The following CRAMP1 variants were observed in gnomAD, a reference collection of about 807,000 sequenced individuals.
The protein encoded by CRAMP1 is protein cramped-like.
Under a neutral mutation model 115.4 loss-of-function variants are expected in CRAMP1, and 50 were observed. The ratio of observed to expected loss-of-function variants is 0.43; its 90% confidence interval spans 0.35 to 0.55. The LOEUF (loss-of-function observed/expected upper bound fraction) is 0.55. Ranked by LOEUF, CRAMP1 falls within the 20% of genes least tolerant of loss-of-function variation. The pLI, the probability that CRAMP1 is intolerant of heterozygous loss-of-function variation, is 0.01. For synonymous variants in CRAMP1, 866 were observed against 745.4 expected, an observed-to-expected ratio of 1.16 and a Z score of -2.64; for missense variants, 1,679 against 1,721.7, an observed-to-expected ratio of 0.98 and a Z score of 0.44.
At chr16:1,650,302 C>A (rs1276776496) in intron 6 of CRAMP1, among the ~76,000 whole-genome samples, 2 of 152,210 alleles carry the variant, frequency 1.3e-5, no homozygotes, top group Non-Finnish European at 2.9e-5. Context: ...CTCCATTAGA[C>A]GCCCTCAGCA....
chr16:1,631,762 T>G (rs1368386876), intron 3 of CRAMP1, among the ~76,000 whole-genome samples: 1 of 152,268 alleles, frequency 6.6e-6, no homozygotes, highest in Non-Finnish European at 1.5e-5. Flanking sequence ...TCACGTTTGC[T>G]GTCCTCGTTT....
chr16:1,647,539 G>A (rs528705081), intron 6 of CRAMP1, among the ~76,000 whole-genome samples: 2 of 152,036 alleles, frequency 1.3e-5, no homozygotes, highest in Non-Finnish European at 2.9e-5. Context: ...CCAGGAGTTC[G>A]AGACCAGCCT....
At chr16:1,640,889 G>A (rs1352488157) in intron 5 of CRAMP1, among the ~76,000 whole-genome samples, 2 of 152,148 alleles carry the variant, frequency 1.3e-5, no homozygotes, top group Admixed American at 6.5e-5. Context: ...CTGGGTAGTG[G>A]GCCTGCCTGA....
intron 2 of CRAMP1, among the ~76,000 whole-genome samples, chr16:1,623,818 GTTGA>G (rs2036485870): frequency 6.6e-6 from 1 of 152,222 alleles, no homozygotes; most frequent in South Asian, 2.1e-4. Context: ...GAACCACCTG[GTTGA>G]TTAAGTCCAG....
intron 6 of CRAMP1, among the ~76,000 whole-genome samples, chr16:1,642,988 G>A (rs2036645533): frequency 6.6e-6 from 1 of 152,200 alleles, no homozygotes; most frequent in Admixed American, 6.5e-5. Context: ...GACCACACGG[G>A]CACAGGGAGT....
chr16:1,639,786 C>T (rs993042489), intron 5 of CRAMP1, among the ~76,000 whole-genome samples: 6 of 152,148 alleles, frequency 3.9e-5, no homozygotes, highest in African/African-American at 4.8e-5. Context: ...AAGGGAATAG[C>T]GTGTCTGGTC....
Position 1,666,691 on chromosome 16 carries a change from C to CTCTGCCTTTGGA in CRAMP1, c.3036+92_3036+103dup. 8.1e-7 allele frequency: 1 copy of CTCTGCCTTTGGA among 1,230,796 alleles called. No individual in the cohort carries two copies. Among genetic ancestry groups the CTCTGCCTTTGGA allele is most frequent in the Non-Finnish European group, 1.2e-6 (1 of 856,300 alleles). The allele number at this position is 1,230,796 out of a possible 1,614,324, so 76.2% of individuals were successfully genotyped here. A position where few individuals can be genotyped will look rare whatever the true frequency, so the allele number is the denominator to read the frequency against. On this transcript the variant is annotated intron_variant, in intron 16 of 20. Coordinates refer to ENST00000397412, the MANE Select transcript of CRAMP1 (RefSeq NM_020825.4). The surrounding 1 kb of genome is among the most constrained non-coding windows in gnomAD (Gnocchi z 5.0). Reference sequence around the variant, plus strand: ...GGGCTGAGATCACGCTGGACTCCAGCTCTGCCTTTGGAGGAGAGTCTCTGG... The same window carrying CTCTGCCTTTGGA: ...GGGCTGAGATCACGCTGGACTCCAGCTCTGCCTTTGGATCTGCCTTTGGAGGAGAGTCTCTGG...
At chr16:1,651,508 C>G (rs2036722810) in intron 6 of CRAMP1, among the ~76,000 whole-genome samples, 1 of 149,830 alleles carries the variant, frequency 6.7e-6, no homozygotes, top group Admixed American at 6.6e-5. Flanking sequence ...TGAGGTCACA[C>G]ACAGGTCATC....
At chr16:1,655,325 C>T in intron 9 of CRAMP1, 25 bp downstream of exon 9, 1 of 1,595,112 alleles carries the variant, frequency 6.3e-7, no homozygotes, top group Non-Finnish European at 8.6e-7. Flanking sequence ...CTAAAGCAAA[C>T]CATCCAGGCT....
intron 5 of CRAMP1, among the ~76,000 whole-genome samples, chr16:1,639,629 C>T (rs1203041245): frequency 6.6e-6 from 1 of 152,134 alleles, no homozygotes; most frequent in Non-Finnish European, 1.5e-5. Context: ...TTTTTCAAAC[C>T]TAGCAGAAGC....
At chr16:1,624,077 A>G (rs915462313) in intron 2 of CRAMP1, among the ~76,000 whole-genome samples, 1 of 151,480 alleles carries the variant, frequency 6.6e-6, no homozygotes, top group East Asian at 1.9e-4. Context: ...CTCTGCAACG[A>G]TGGCCGCATG....
rs146347261 is a variant in CRAMP1, at chr16:1,665,562, A to G, written c.2752+424A>G. On this transcript the variant is annotated intron_variant, in intron 14 of 20. Coordinates refer to ENST00000397412, the MANE Select transcript of CRAMP1 (RefSeq NM_020825.4). ...AGATATTACACAGGGAGAAGCCTCT[A>G]GTGAAACACATACTCTGTGACTTCC... Among the ~76,000 whole-genome samples, 69 of 152,278 alleles carry G rather than the reference A, an allele frequency of 4.5e-4. 1 individual carries two copies. Among genetic ancestry groups the G allele is most frequent in the African/African-American group, 1.5e-3 (64 of 41,556 alleles).
Position 1,656,289 on chromosome 16 carries a change from G to T in CRAMP1, c.1532G>T (p.Arg511Met). Residue 511 changes from arginine to methionine, a missense_variant, in exon 10 of 21, where the codon AGG becomes ATG. Physicochemically the swap from Arg to Met is moderately conservative, Grantham distance 91. This residue lies in a region of CRAMP1 where 405 missense variants were observed against 302.6 expected (regional missense o/e 1.34). Coordinates refer to ENST00000397412, the MANE Select transcript of CRAMP1 (RefSeq NM_020825.4). This position sits in a 1 kb window ranked among gnomAD's most constrained non-coding sequence, Gnocchi z 5.6. Reference protein sequence around the residue: ...LSLSSPDAPDRPPPRHQDTGP... With the variant: ...LSLSSPDAPDMPPPRHQDTGP... ...TTGAGCAGCCCGGACGCTCCTGACA[G>T]GCCTCCTCCCAGGCACCAGGACACT... 1 of 1,611,962 alleles carries T rather than the reference G, an allele frequency of 6.2e-7. No individual in the cohort carries two copies.
At chr16:1,655,113 C>T in intron 8 of CRAMP1, 106 bp from the exon 9 acceptor site, 2 of 983,882 alleles carry the variant, frequency 2.0e-6, no homozygotes, top group Non-Finnish European at 1.6e-6. Context: ...TCCAGAGGTC[C>T]CTTGTCTCTT....
Position 1,670,690 on chromosome 16 carries a change from C to T in CRAMP1, c.3526C>T (p.Arg1176Trp), listed in dbSNP as rs959717787. Residue 1176 changes from arginine to tryptophan, a missense_variant, in exon 20 of 21, where the codon CGG becomes TGG. Physicochemically the swap from Arg to Trp is moderately radical, Grantham distance 101. Around this residue, in one of 8 missense-constraint regions of CRAMP1, gnomAD observed 709 missense variants for 741.9 expected, o/e 0.96. Coordinates refer to ENST00000397412, the MANE Select transcript of CRAMP1 (RefSeq NM_020825.4). ...FASFISPEKSRKMLPTPIGTN... is the reference protein window; with the variant it reads ...FASFISPEKSWKMLPTPIGTN... ...AAGCTTCATCTCCCCAGAGAAGAGC[C>T]GGAAGATGTTGCCGACTCCCATTGG... 9 of 1,613,848 alleles carry T rather than the reference C, an allele frequency of 5.6e-6. No individual in the cohort carries two copies. Among genetic ancestry groups the T allele is most frequent in the African/African-American group, 1.3e-5 (1 of 74,914 alleles).
chr16:1,618,442 G>T, intron 2 of CRAMP1, among the ~76,000 whole-genome samples: 1 of 152,158 alleles, frequency 6.6e-6, no homozygotes, highest in Non-Finnish European at 1.5e-5. Context: ...CTACCTGTGG[G>T]GTGAGTAGAA....
chr16:1,631,999 T>C (rs189024229), intron 3 of CRAMP1, among the ~76,000 whole-genome samples: 34 of 152,312 alleles, frequency 2.2e-4, no homozygotes, highest in Non-Finnish European at 3.1e-4. Flanking sequence ...ATGGTTCTGT[T>C]CCTGGTTCCA....
chr16:1,630,992 G>T (rs948481320), intron 3 of CRAMP1, among the ~76,000 whole-genome samples: 1 of 152,206 alleles, frequency 6.6e-6, no homozygotes, highest in African/African-American at 2.4e-5. Context: ...TCTCACCGTG[G>T]CTGGGTCATG....
At position 1,641,231 on chromosome 16, in the gene CRAMP1, T is replaced by G; in HGVS notation, c.827+44T>G. 3 of 1,411,038 alleles carry G rather than the reference T, an allele frequency of 2.1e-6. No homozygotes were observed. The East Asian group carries it at 6.8e-5, about 32-fold the overall frequency. 87.4% of individuals were successfully genotyped at this position (1,411,038 alleles called of 1,614,324 possible). A position where few individuals can be genotyped will look rare whatever the true frequency, so the allele number is the denominator to read the frequency against. On this transcript the variant is annotated intron_variant, in intron 6 of 20. Transcript: ENST00000397412. The stretch of plus-strand genomic sequence containing the variant: ...GTGAAACATCACTTCTCTGGGTGTT[T>G]TGTGTTTATTCTCTAAAATACAGAA...
Sources: gnomAD v4.1 joint callset for allele counts (sites outside exome capture counted in the v4.1 genomes callset) on GRCh38, gnomAD v4.1.1 for gene constraint, gnomAD v4.1.1 regional missense constraint, Gnocchi (gnomAD v3.1) non-coding constraint, MANE v1.5 for transcripts, NCBI Gene and HGNC (gene_info 2026-07-23, HGNC 2026-07-21) for gene names.